The following MOK variants were observed in gnomAD, a reference collection of about 807,000 sequenced individuals.
MOK encodes the protein MAPK/MAK/MRK overlapping kinase.
In MOK, 59 loss-of-function variants were observed where a neutral mutation model predicts 54.2. The observed-to-expected ratio is 1.09, with a 90% confidence interval of 0.88 to 1.35. The LOEUF is 1.35. Among genes scored for constraint, MOK ranks in the 40% most tolerant of loss-of-function variants. MOK has a pLI of 0.00. For missense variants in MOK, 517 were observed against 526.2 expected, an observed-to-expected ratio of 0.98 and a Z score of 0.17; for synonymous variants, 210 against 202.7, an observed-to-expected ratio of 1.04 and a Z score of -0.31.
downstream of MOK, chr14:102,225,943 G>C (rs566333338): frequency 1.2e-5 from 3 of 248,180 alleles, no homozygotes; most frequent in Non-Finnish European, 2.4e-5. Flanking sequence ...CACTTCTGGC[G>C]TTGGAGAATG....
intron 4 of MOK, among the ~76,000 whole-genome samples, chr14:102,256,683 G>A (rs1202295284): frequency 6.6e-6 from 1 of 150,440 alleles, no homozygotes; most frequent in African/African-American, 2.5e-5. Context: ...CTACACACGT[G>A]AGCCACTGCA....
chr14:102,300,213 A>G (rs375653324), intron 1 of MOK, among the ~76,000 whole-genome samples: 1 of 150,176 alleles, frequency 6.7e-6, no homozygotes, highest in South Asian at 2.1e-4. Flanking sequence ...AATCCCAGCT[A>G]TTTGGGAAGC....
rs138401864 is a variant in MOK, at chr14:102,249,447, T to C, written c.590+1365A>G. 1.1e-3 allele frequency among the ~76,000 whole-genome samples: 161 copies of C among 152,312 alleles called. No individual in the cohort carries two copies. Among genetic ancestry groups the C allele is most frequent in the Middle Eastern group, 6.8e-3 (2 of 294 alleles). On this transcript the variant is annotated intron_variant, in intron 7 of 11. Transcript: ENST00000361847. This position sits in a 1 kb window ranked among gnomAD's most constrained non-coding sequence, Gnocchi z 5.3. ...AACCTGTGCTGGGCGCGGTGGCTCA[T>C]GCCTGTAATCCCAGCACTTTGGGAG...
intron 4 of MOK, among the ~76,000 whole-genome samples, chr14:102,258,692 G>T (rs182820865): frequency 3.3e-5 from 5 of 152,270 alleles, no homozygotes; most frequent in Middle Eastern, 3.4e-3. Flanking sequence ...TCTGACACCT[G>T]TTCAACAAAA....
chr14:102,293,619 A>G (rs1369371532), intron 1 of MOK, among the ~76,000 whole-genome samples: 1 of 144,944 alleles, frequency 6.9e-6, no homozygotes. Context: ...AATCACTTGA[A>G]CCCAGGAGGC....
rs568792626 is a variant in MOK, at chr14:102,281,387, T to TA, written c.122+2090dup. ...GGTGGCTTGCACCTGTAGTCCCTGT[T>TA]ACTCATGAGGCTGAGGCTGGATAAT... is the stretch of plus-strand genomic sequence containing the variant. On this transcript the variant is annotated intron_variant, in intron 2 of 11. Transcript: ENST00000361847. Among the ~76,000 whole-genome samples, 28 of 151,178 alleles carry TA rather than the reference T, an allele frequency of 1.9e-4. No homozygotes were observed. In the South Asian group the frequency reaches 4.2e-3, roughly 22 times the overall value.
intron 7 of MOK, among the ~76,000 whole-genome samples, chr14:102,241,589 A>G (rs1220610797): frequency 6.6e-6 from 1 of 152,230 alleles, no homozygotes; most frequent in Admixed American, 6.5e-5. Flanking sequence ...TTACCGCCCT[A>G]GACCCAGAGG....
intron 2 of MOK, among the ~76,000 whole-genome samples, chr14:102,267,345 C>T (rs2067995611): frequency 6.6e-6 from 1 of 152,164 alleles, no homozygotes; most frequent in Non-Finnish European, 1.5e-5. Context: ...GCAGGTGGAT[C>T]ACCTGAGGTC....
At chr14:102,284,461 C>G (rs1207945787) in intron 1 of MOK, among the ~76,000 whole-genome samples, 1 of 151,962 alleles carries the variant, frequency 6.6e-6, no homozygotes, top group African/African-American at 2.4e-5. Context: ...ACTGCCTTAA[C>G]AAGCTATTTC....
rs769248370 is a variant in MOK at position 102,235,505 on chromosome 14, G to A, written c.591-1716C>T. ...CCAGTAGGGGCCGCTGCAGTTCCCTGAGAAGAGCGTACCTGGGCGTATCAA... is the reference window on the plus strand; with the variant it reads ...CCAGTAGGGGCCGCTGCAGTTCCCTAAGAAGAGCGTACCTGGGCGTATCAA... On this transcript the variant is annotated intron_variant, in intron 7 of 11. Coordinates refer to ENST00000361847, the MANE Select transcript of MOK (RefSeq NM_014226.3). The surrounding 1 kb of genome is among the most constrained non-coding windows in gnomAD (Gnocchi z 4.4). The A allele has an allele frequency of 9.9e-5, 15 of 152,252 alleles. No homozygotes were observed. Among genetic ancestry groups the A allele is most frequent in the Non-Finnish European group, 1.9e-4 (13 of 68,052 alleles). The allele number at this position is 152,252 out of a possible 1,614,324, so 9.4% of individuals were successfully genotyped here. A position where few individuals can be genotyped will look rare whatever the true frequency, so the allele number is the denominator to read the frequency against.
At chr14:102,215,517 A>G in the MOK span, among the ~76,000 whole-genome samples, 2 of 152,042 alleles carry the variant, frequency 1.3e-5, no homozygotes, top group African/African-American at 4.8e-5. Context: ...GGTTTGTTAC[A>G]TAGGGATGCA....
chr14:102,298,632 G>A (rs886934698), intron 1 of MOK, among the ~76,000 whole-genome samples: 2 of 152,142 alleles, frequency 1.3e-5, no homozygotes, highest in Admixed American at 6.6e-5. Flanking sequence ...TTGGCTCTCT[G>A]TAAAATGGAC....
intron 1 of MOK, among the ~76,000 whole-genome samples, chr14:102,286,399 C>A (rs539973702): frequency 1.0e-3 from 152 of 150,492 alleles, no homozygotes; most frequent in Non-Finnish European, 1.7e-3. Flanking sequence ...AGGTGAGGAT[C>A]ACTTGAGCCC....
intron 3 of MOK, chr14:102,264,587 C>G (rs1031225214): frequency 2.0e-5 from 3 of 152,218 alleles, no homozygotes; most frequent in African/African-American, 4.8e-5. Flanking sequence ...GGACAGAGTA[C>G]TTTGTAAAGT....
chr14:102,215,249 C>T, the MOK span, among the ~76,000 whole-genome samples: 3 of 152,276 alleles, frequency 2.0e-5, no homozygotes, highest in African/African-American at 4.8e-5. Context: ...AACTCCAGTC[C>T]GGGAGAAGGA....
intron 1 of MOK, among the ~76,000 whole-genome samples, chr14:102,298,330 A>G (rs1255274561): frequency 6.6e-6 from 1 of 152,180 alleles, no homozygotes; most frequent in Non-Finnish European, 1.5e-5. Flanking sequence ...AAATACACCA[A>G]TCAGTACTCT....
rs760802570 is a variant in MOK, at chr14:102,236,285, C to G, written c.591-2496G>C. 1.3e-5 allele frequency among the ~76,000 whole-genome samples: 2 copies of G among 152,354 alleles called. No individual in the cohort carries two copies. The highest frequency in any genetic ancestry group is 2.1e-4 in the South Asian group (1 of 4,830). Reference sequence around the variant, plus strand: ...TGCATTGGAGCCCAGGGTAACTCTGCGAGTAGCAGGTAAGCCGATCTCTTT... The same window carrying G: ...TGCATTGGAGCCCAGGGTAACTCTGGGAGTAGCAGGTAAGCCGATCTCTTT... On this transcript the variant is annotated intron_variant, in intron 7 of 11. Transcript: ENST00000361847. This position sits in a 1 kb window ranked among gnomAD's most constrained non-coding sequence, Gnocchi z 4.5.
intron 2 of MOK, among the ~76,000 whole-genome samples, chr14:102,271,665 A>G (rs2068379190): frequency 6.6e-6 from 1 of 150,856 alleles, no homozygotes; most frequent in African/African-American, 2.4e-5. Flanking sequence ...TTCAAGCCAT[A>G]CTTGTGCCTC....
At chr14:102,272,408 C>T (rs1353806716) in intron 2 of MOK, among the ~76,000 whole-genome samples, 4 of 151,254 alleles carry the variant, frequency 2.6e-5, no homozygotes, top group Non-Finnish European at 5.9e-5. Context: ...TTGCTTGAGG[C>T]GGAGGTTGCA....
Sources: allele counts gnomAD v4.1 joint callset (sites outside exome capture counted in the v4.1 genomes callset), GRCh38; gene constraint gnomAD v4.1.1; non-coding constraint Gnocchi (gnomAD v3.1); transcripts MANE v1.5; gene names NCBI Gene and HGNC (gene_info 2026-07-23, HGNC 2026-07-21).